PLEKHG3: variants seen among roughly 807,000 people sequenced by gnomAD.
The protein encoded by PLEKHG3 is pleckstrin homology domain-containing family G member 3.
A neutral mutation model predicts 94.9 loss-of-function variants in PLEKHG3; 62 were observed. The ratio of observed to expected loss-of-function variants is 0.65; its 90% CI spans 0.53 to 0.81. PLEKHG3 has a LOEUF of 0.81. Among genes scored for constraint, PLEKHG3 ranks in the 30% least tolerant of loss-of-function variants. The pLI is 0.00. For synonymous variants in PLEKHG3, 614 were observed against 654.0 expected, an observed-to-expected ratio of 0.94 and a Z score of 0.93; for missense variants, 1,461 against 1,619.3, an observed-to-expected ratio of 0.90 and a Z score of 1.68.
At position 64,717,491 on chromosome 14, in the gene PLEKHG3, T is replaced by G. The variant is rs1404656524; in HGVS notation, c.-39-10102T>G. On this transcript the variant is annotated intron_variant, in intron 1 of 16. Transcript: ENST00000247226. This position sits in a 1 kb window ranked among gnomAD's most constrained non-coding sequence, Gnocchi z 4.7. The stretch of plus-strand genomic sequence containing the variant: ...CTTGGGTAGTAAGATGCACACAAAC[T>G]CCTCCCCCAGCCCAGTTGAGAGCTG... Among the ~76,000 whole-genome samples, 1 of 152,122 alleles carries G rather than the reference T, an allele frequency of 6.6e-6. No individual in the cohort carries two copies. Among genetic ancestry groups the G allele is most frequent in the Non-Finnish European group, 1.5e-5 (1 of 68,024 alleles).
Position 64,741,702 on chromosome 14 carries a change from C to A in PLEKHG3, c.2185C>A (p.His729Asn). 1 of 1,613,118 alleles carries A rather than the reference C, an allele frequency of 6.2e-7. No homozygotes were observed. Among genetic ancestry groups the A allele is most frequent in the South Asian group, 1.1e-5 (1 of 91,082 alleles). Residue 729 changes from histidine to asparagine, a missense_variant, in exon 16 of 17, where the codon CAC becomes AAC. Physicochemically the swap from His to Asn is moderately conservative, Grantham distance 68 (BLOSUM62 1). Around this residue, in one of 3 missense-constraint regions of PLEKHG3, gnomAD observed 1,201 missense variants for 1,295.5 expected, o/e 0.93. Transcript: ENST00000247226. ...KIKSYYENAE[H>N]HDAGFSVRRR... Reference sequence around the variant, plus strand: ...TAAGAGCTATTATGAAAATGCAGAACACCATGATGCAGGCTTCAGCGTCCG... The same window carrying A: ...TAAGAGCTATTATGAAAATGCAGAAAACCATGATGCAGGCTTCAGCGTCCG...
intron 13 of PLEKHG3, 115 bp from the exon 14 acceptor site, chr14:64,737,241 G>A (rs1187937279): frequency 5.1e-6 from 4 of 783,534 alleles, no homozygotes; most frequent in East Asian, 2.7e-5. Context: ...GGAGCCCCCA[G>A]TGAGGACTTC....
At chr14:64,709,932 A>G (rs891282218) in intron 1 of PLEKHG3, among the ~76,000 whole-genome samples, 6 of 152,224 alleles carry the variant, frequency 3.9e-5, no homozygotes, top group African/African-American at 1.4e-4. Context: ...TGCTCACACT[A>G]TGAATGTTCT....
chr14:64,737,757 C>T, intron 14 of PLEKHG3: 1 of 483,170 alleles, frequency 2.1e-6, no homozygotes, highest in Non-Finnish European at 3.2e-6. Flanking sequence ...AGTTGGGCAT[C>T]TAGGTGTGGC....
At position 64,716,182 on chromosome 14, in the gene PLEKHG3, T is replaced by C; in HGVS notation, c.-39-11411T>C. 1 of 380,210 alleles carries C rather than the reference T, an allele frequency of 2.6e-6. No homozygotes were observed. Among genetic ancestry groups the C allele is most frequent in the Non-Finnish European group, 5.3e-6 (1 of 189,334 alleles). The allele number at this position is 380,210 out of a possible 1,614,324, so 23.6% of individuals were successfully genotyped here. A position where few individuals can be genotyped will look rare whatever the true frequency, so the allele number is the denominator to read the frequency against. On this transcript the variant is annotated intron_variant, in intron 1 of 16. Transcript: ENST00000247226. The surrounding 1 kb of genome is among the most constrained non-coding windows in gnomAD (Gnocchi z 5.0). ...CCGGGCCTCTAAGCCTTGCCGGACT[T>C]CCCCCAGGAAACCCAGCCAATCACA... is the stretch of plus-strand genomic sequence containing the variant.
Position 64,725,449 on chromosome 14 carries a change from G to A in PLEKHG3, c.-39-2144G>A, listed in dbSNP as rs2139376669. On this transcript the variant is annotated intron_variant, in intron 1 of 16. Coordinates refer to ENST00000247226, the MANE Select transcript of PLEKHG3 (RefSeq NM_001308147.2). The surrounding 1 kb of genome is among the most constrained non-coding windows in gnomAD (Gnocchi z 5.0). Reference sequence around the variant, plus strand: ...GACATCAGAGTGCCACAGGGCTGGGGGTTAAGGGCTGGGGTGGAGCTTGGG... The same window carrying A: ...GACATCAGAGTGCCACAGGGCTGGGAGTTAAGGGCTGGGGTGGAGCTTGGG... Among the ~76,000 whole-genome samples, 1 of 152,348 alleles carries A rather than the reference G, an allele frequency of 6.6e-6. No individual in the cohort carries two copies. The highest frequency in any genetic ancestry group is 2.4e-5 in the African/African-American group (1 of 41,570).
rs1192314185 is a variant in PLEKHG3, at chr14:64,715,050, T to A, written c.-40+10346T>A. Among the ~76,000 whole-genome samples, 1 of 151,592 alleles carries A rather than the reference T, an allele frequency of 6.6e-6. No homozygotes were observed. Among genetic ancestry groups the A allele is most frequent in the African/African-American group, 2.4e-5 (1 of 41,170 alleles). ...CAGGTTGGTACCCCCACTGCAAGAGTGTGTGGGTGGAGAAGGAAGGCCTGT... is the reference window on the plus strand; with the variant it reads ...CAGGTTGGTACCCCCACTGCAAGAGAGTGTGGGTGGAGAAGGAAGGCCTGT... On this transcript the variant is annotated intron_variant, in intron 1 of 16. Transcript: ENST00000247226. The surrounding 1 kb of genome is among the most constrained non-coding windows in gnomAD (Gnocchi z 4.4).
chr14:64,741,726 C>A lies in PLEKHG3; in HGVS notation c.2209C>A (p.Arg737Ser), dbSNP rs200411985. ...AEHHDAGFSV[R>S]RRESLSYIPK... ...ACACCATGATGCAGGCTTCAGCGTC[C>A]GTCGCCGGGAGAGCCTCTCCTACAT... Residue 737 changes from arginine (R) to serine (S), a missense_variant, in exon 16 of 17, where the codon CGT becomes AGT. Physicochemically the swap from Arg to Ser is moderately radical, Grantham distance 110 (BLOSUM62 -1). Around this residue, in one of 3 missense-constraint regions of PLEKHG3, gnomAD observed 1,201 missense variants for 1,295.5 expected, o/e 0.93. Coordinates refer to ENST00000247226, the MANE Select transcript of PLEKHG3 (RefSeq NM_001308147.2). 3 of 1,613,110 alleles carry A rather than the reference C, an allele frequency of 1.9e-6. No homozygotes were observed. In the Admixed American group the frequency reaches 5.0e-5, roughly 27 times the overall value.
chr14:64,711,214 C>T (rs887021191), intron 1 of PLEKHG3, among the ~76,000 whole-genome samples: 1 of 152,072 alleles, frequency 6.6e-6, no homozygotes, highest in African/African-American at 2.4e-5. Context: ...CTTAGCCCTA[C>T]CCCACACTGT....
At position 64,738,686 on chromosome 14, in the gene PLEKHG3, A is replaced by G; in HGVS notation, c.1405-56A>G. On this transcript the variant is annotated intron_variant, in intron 14 of 16. Transcript: ENST00000247226. This position sits in a 1 kb window ranked among gnomAD's most constrained non-coding sequence, Gnocchi z 4.8. ...GGAGGCACTGCCCGTGTTGGGATGC[A>G]GAAGGGATCAGCTTCCAGTTGTCTT... The G allele has an allele frequency of 8.1e-7, 1 of 1,242,116 alleles. No individual in the cohort carries two copies. The highest frequency in any genetic ancestry group is 1.2e-6 in the Non-Finnish European group (1 of 864,732). 76.9% of individuals were successfully genotyped at this position (1,242,116 alleles called of 1,614,324 possible).
rs1184858100 is a variant in PLEKHG3 at position 64,741,675 on chromosome 14, A to G, written c.2158A>G (p.Ile720Val). The G allele has an allele frequency of 6.2e-7, 1 of 1,612,894 alleles. No individual in the cohort carries two copies. Among genetic ancestry groups the G allele is most frequent in the African/African-American group, 1.3e-5 (1 of 74,928 alleles). The change falls in exon 16 of 17, where the codon ATT becomes GTT. Residue 720 changes from isoleucine to valine, a missense_variant. Physicochemically the swap from Ile to Val is conservative, Grantham distance 29. This residue lies in a region of PLEKHG3 where 1,201 missense variants were observed against 1,295.5 expected (regional missense o/e 0.93). Transcript: ENST00000247226. Reference sequence around the variant, plus strand: ...CCGAGACCGGCTGTTGCTAGACAAGATTAAGAGCTATTATGAAAATGCAGA... The same window carrying G: ...CCGAGACCGGCTGTTGCTAGACAAGGTTAAGAGCTATTATGAAAATGCAGA... ...STRDRLLLDKIKSYYENAEHH... is the reference protein window; with the variant it reads ...STRDRLLLDKVKSYYENAEHH...
Position 64,727,943 on chromosome 14 carries a change from A to G in PLEKHG3, c.312A>G (p.Thr104=), listed in dbSNP as rs1365318969. 3 of 1,604,698 alleles carry G rather than the reference A, an allele frequency of 1.9e-6. No homozygotes were observed. Among genetic ancestry groups the G allele is most frequent in the East Asian group, 2.2e-5 (1 of 44,606 alleles). Residue 104 remains threonine, a synonymous_variant, in exon 2 of 17, where the codon ACA becomes ACG. Transcript: ENST00000247226. The surrounding 1 kb of genome is among the most constrained non-coding windows in gnomAD (Gnocchi z 6.0). ...GAGTGGTGCGGGAGATCGTGGAGAC[A>G]GAGCGCATGTACGTACAGGACCTGC... ...LGRVVREIVE[T]ERMYVQDLRS...
Position 64,731,982 on chromosome 14 carries a change from A to G in PLEKHG3, c.1126-113A>G. ...AAGTGAGGAGTCAGGTTAACCTCAC[A>G]GAGGCCCCAGCATGGCCCCACTTTT... On this transcript the variant is annotated intron_variant, in intron 9 of 16. Coordinates refer to ENST00000247226, the MANE Select transcript of PLEKHG3 (RefSeq NM_001308147.2). The surrounding 1 kb of genome is among the most constrained non-coding windows in gnomAD (Gnocchi z 6.1). 1.1e-6 allele frequency: 1 copy of G among 891,070 alleles called. No individual in the cohort carries two copies. Among genetic ancestry groups the G allele is most frequent in the Non-Finnish European group, 1.9e-6 (1 of 538,228 alleles). 55.2% of individuals were successfully genotyped at this position (891,070 alleles called of 1,614,324 possible).
Position 64,715,300 on chromosome 14 carries a change from G to A in PLEKHG3, c.-40+10596G>A, listed in dbSNP as rs569814955. Among the ~76,000 whole-genome samples the A allele has an allele frequency of 6.6e-6, 1 of 152,318 alleles. No individual in the cohort carries two copies. The highest frequency in any genetic ancestry group is 2.4e-5 in the African/African-American group (1 of 41,570). ...CTTGGCTTCGTCTCTCGGGCCATGT[G>A]GGAGGTTGTGGAGAGAATGGTGAAA... On this transcript the variant is annotated intron_variant, in intron 1 of 16. Coordinates refer to ENST00000247226, the MANE Select transcript of PLEKHG3 (RefSeq NM_001308147.2). This position sits in a 1 kb window ranked among gnomAD's most constrained non-coding sequence, Gnocchi z 4.4.
rs924983881 is a variant in PLEKHG3, at chr14:64,727,703, C to T, written c.72C>T (p.Ser24=). ...CGGTGAGCCTGACCTCTACCACCTC[C>T]TCGTCGGGCTCCTCCTGTGACAGTC... ...ERPVSLTSTT[S]SSGSSCDSRS... Residue 24 remains serine, a synonymous_variant, in exon 2 of 17, where the codon TCC becomes TCT. Coordinates refer to ENST00000247226, the MANE Select transcript of PLEKHG3 (RefSeq NM_001308147.2). The surrounding 1 kb of genome is among the most constrained non-coding windows in gnomAD (Gnocchi z 6.0). 2.5e-6 allele frequency: 4 copies of T among 1,612,376 alleles called. No homozygotes were observed.
Position 64,730,730 on chromosome 14 carries a change from A to C in PLEKHG3, c.566+42A>C. On this transcript the variant is annotated intron_variant, in intron 5 of 16. Transcript: ENST00000247226. The surrounding 1 kb of genome is among the most constrained non-coding windows in gnomAD (Gnocchi z 5.4). ...AGAGGGAAGGCAGAGCCATTTGGTG[A>C]GTCCAGAGCCCCCCACTTCCTCATC... 1 of 1,611,934 alleles carries C rather than the reference A, an allele frequency of 6.2e-7. No homozygotes were observed. The highest frequency in any genetic ancestry group is 8.5e-7 in the Non-Finnish European group (1 of 1,178,066).
chr14:64,737,998 A>AGGG, intron 14 of PLEKHG3: 1 of 1,265,748 alleles, frequency 7.9e-7, no homozygotes, highest in Non-Finnish European at 1.0e-6. Context: ...GAGGAGGAGG[A>AGGG]GGAGGAAGAG....
rs2081162224 is a variant in PLEKHG3, at chr14:64,716,501, A to ACACACACG, written c.-39-11085_-39-11084insGCACACAC. On this transcript the variant is annotated intron_variant, in intron 1 of 16. Transcript: ENST00000247226. This position sits in a 1 kb window ranked among gnomAD's most constrained non-coding sequence, Gnocchi z 5.0. ...CACACAACACACACACACACAACACACACACACACACACACACACACACAC... is the reference window on the plus strand; with the variant it reads ...CACACAACACACACACACACAACACACACACACGCACACACACACACACACACACACAC... 9.5e-6 allele frequency among the ~76,000 whole-genome samples: 1 copy of ACACACACG among 105,800 alleles called. No homozygotes were observed. The highest frequency in any genetic ancestry group is 2.0e-5 in the Non-Finnish European group (1 of 49,836). The allele number at this position is 105,800 out of a possible 152,430, so 69.4% of individuals were successfully genotyped here.
In PLEKHG3 at chr14:64,732,418, C is replaced by A. The variant is rs780357191; in HGVS notation, c.1213-9C>A. On this transcript the variant is annotated splice_polypyrimidine_tract_variant and intron_variant, in intron 10 of 16. Coordinates refer to ENST00000247226, the MANE Select transcript of PLEKHG3 (RefSeq NM_001308147.2). The surrounding 1 kb of genome is among the most constrained non-coding windows in gnomAD (Gnocchi z 4.9). ...AGGTAATAACCAGGTGTGTTTCCTT[C>A]CCCTTCAGGCCAAGGAAGCCATCTT... The A allele has an allele frequency of 6.2e-7, 1 of 1,611,722 alleles. No homozygotes were observed. The highest frequency in any genetic ancestry group is 1.7e-5 in the Admixed American group (1 of 60,020).
Sources: allele counts gnomAD v4.1 joint callset (sites outside exome capture counted in the v4.1 genomes callset), GRCh38; gene constraint gnomAD v4.1.1; regional missense constraint gnomAD v4.1.1; non-coding constraint Gnocchi (gnomAD v3.1); transcripts MANE v1.5; gene names NCBI Gene and HGNC (gene_info 2026-07-23, HGNC 2026-07-21).